Variants in CSMD1 observed in about 807,000 individuals in gnomAD.
The protein encoded by CSMD1 is CUB and Sushi multiple domains 1.
Under a neutral mutation model 417.5 loss-of-function variants are expected in CSMD1, and 213 were observed. The observed-to-expected ratio is 0.51, with a 90% CI of 0.46 to 0.57. CSMD1 has a LOEUF of 0.57. Among genes scored for constraint, CSMD1 ranks in the 20% least tolerant of loss-of-function variants. The probability of loss-of-function intolerance (pLI) is 0.00; values close to 1 mark genes in which losing one functional copy is unlikely to be tolerated. For missense variants in CSMD1, 6,923 were observed against 4,529.7 expected (o/e 1.53, Z -15.17); for synonymous variants, 2,862 against 1,736.8 (o/e 1.65, Z -16.11).
At chr8:3,535,025 G>T (rs190440539) in intron 10 of CSMD1, among the ~76,000 whole-genome samples, 5 of 152,270 alleles carry the variant, frequency 3.3e-5, no homozygotes, top group East Asian at 1.9e-4. Context: ...AGAACTCACC[G>T]TAGCATTCAA....
At chr8:4,024,962 T>G (rs1306749433) in intron 4 of CSMD1, among the ~76,000 whole-genome samples, 1 of 152,202 alleles carries the variant, frequency 6.6e-6, no homozygotes, top group African/African-American at 2.4e-5. Flanking sequence ...TTGTCTGAAG[T>G]ACGATTGGCC....
chr8:4,804,910 G>A (rs1043076787), intron 1 of CSMD1, among the ~76,000 whole-genome samples: 1 of 152,062 alleles, frequency 6.6e-6, no homozygotes, highest in Non-Finnish European at 1.5e-5. Flanking sequence ...TAATAAAAGA[G>A]AAAAGAAAAC....
At chr8:3,105,443 AATG>A (rs1344084931) in intron 46 of CSMD1, among the ~76,000 whole-genome samples, 23 of 152,222 alleles carry the variant, frequency 1.5e-4, no homozygotes, top group African/African-American at 5.5e-4. Context: ...TAGGTGAACT[AATG>A]ATGTTTCGAC....
At chr8:4,766,657 C>G (rs932859566) in intron 1 of CSMD1, among the ~76,000 whole-genome samples, 2 of 152,202 alleles carry the variant, frequency 1.3e-5, no homozygotes, top group Non-Finnish European at 2.9e-5. Flanking sequence ...CTCAGGCACT[C>G]CCATGGAGCC....
chr8:3,961,492 G>A (rs889999862), intron 5 of CSMD1, among the ~76,000 whole-genome samples: 19 of 152,052 alleles, frequency 1.2e-4, no homozygotes, highest in African/African-American at 4.3e-4. Flanking sequence ...AGCCCCATAT[G>A]CGTTCATTAT....
At chr8:3,072,239 A>C (rs1020978304) in intron 49 of CSMD1, among the ~76,000 whole-genome samples, 4 of 152,198 alleles carry the variant, frequency 2.6e-5, no homozygotes, top group African/African-American at 9.6e-5. Flanking sequence ...TTTTACATGG[A>C]AGAGTCCAAT....
chr8:4,266,650 C>T lies in CSMD1; in HGVS notation c.415+153303G>A, dbSNP rs189407736. On this transcript the variant is annotated intron_variant, in intron 3 of 69. Transcript: ENST00000635120. Reference sequence around the variant, plus strand: ...GCAGTTGAACATTTTTATTTGTCATCTATGAACATTGATATAACTTGAAAA... The same window carrying T: ...GCAGTTGAACATTTTTATTTGTCATTTATGAACATTGATATAACTTGAAAA... 5.0e-3 allele frequency among the ~76,000 whole-genome samples: 521 copies of T among 104,886 alleles called. 73 individuals carry two copies. Among genetic ancestry groups the T allele is most frequent in the African/African-American group, 0.013 (500 of 38,510 alleles). 68.8% of individuals were successfully genotyped at this position (104,886 alleles called of 152,430 possible). A position where few individuals can be genotyped will look rare whatever the true frequency, so the allele number is the denominator to read the frequency against.
chr8:3,089,321 G>A (rs544674088), intron 48 of CSMD1, among the ~76,000 whole-genome samples: 3 of 152,316 alleles, frequency 2.0e-5, no homozygotes, highest in Non-Finnish European at 2.9e-5. Context: ...CTTTCAACCC[G>A]CCCAATACAG....
chr8:3,773,283 A>T (rs1798715981), intron 5 of CSMD1, among the ~76,000 whole-genome samples: 1 of 152,092 alleles, frequency 6.6e-6, no homozygotes, highest in Non-Finnish European at 1.5e-5. Flanking sequence ...GGGATATAAT[A>T]GGTTTGGGGA....
At chr8:4,642,093 C>A (rs1409554312) in intron 1 of CSMD1, among the ~76,000 whole-genome samples, 1 of 152,176 alleles carries the variant, frequency 6.6e-6, no homozygotes, top group Non-Finnish European at 1.5e-5. Context: ...CCTGGTCAGC[C>A]TGTAGGTGCT....
chr8:3,091,782 C>G, intron 47 of CSMD1, 120 bp from the exon 48 acceptor site: 1 of 752,592 alleles, frequency 1.3e-6, no homozygotes, highest in East Asian at 3.2e-5. Flanking sequence ...ATAATTATTA[C>G]AAAAGTGGAC....
At chr8:4,244,523 A>C (rs1384512347) in intron 3 of CSMD1, among the ~76,000 whole-genome samples, 1 of 151,640 alleles carries the variant, frequency 6.6e-6, no homozygotes, top group Admixed American at 6.6e-5. Flanking sequence ...AGCAAGTCAA[A>C]TAAAATTTTC....
rs922555074 is a variant in CSMD1, at chr8:3,272,330, G to A, written c.4153+11814C>T. Among the ~76,000 whole-genome samples, 2 of 147,330 alleles carry A rather than the reference G, an allele frequency of 1.4e-5. 1 individual carries two copies. Among genetic ancestry groups the A allele is most frequent in the Non-Finnish European group, 3.0e-5 (2 of 66,182 alleles). On this transcript the variant is annotated intron_variant, in intron 26 of 69. Transcript: ENST00000635120. Reference sequence around the variant, plus strand: ...CCAGTACCATGCTGTTTTGGTTACGGTAGCCTTGTAGCATAGTTTGAAGTC... The same window carrying A: ...CCAGTACCATGCTGTTTTGGTTACGATAGCCTTGTAGCATAGTTTGAAGTC...
chr8:3,179,816 A>G (rs904856759), intron 37 of CSMD1, among the ~76,000 whole-genome samples: 1 of 152,236 alleles, frequency 6.6e-6, no homozygotes, highest in African/African-American at 2.4e-5. Context: ...CATAAGTAAC[A>G]TCCACAGTAT....
intron 3 of CSMD1, among the ~76,000 whole-genome samples, chr8:4,371,469 G>T (rs995066668): frequency 1.3e-5 from 2 of 152,148 alleles, no homozygotes; most frequent in Admixed American, 1.3e-4. Context: ...TCTGGGGATA[G>T]AAAATATAAT....
intron 10 of CSMD1, among the ~76,000 whole-genome samples, chr8:3,557,070 G>C (rs572214017): frequency 2.0e-5 from 3 of 152,326 alleles, no homozygotes; most frequent in Admixed American, 2.0e-4. Flanking sequence ...AGAATGGCAA[G>C]TGCAATGGAA....
chr8:4,710,090 C>T (rs1378435702), intron 1 of CSMD1, among the ~76,000 whole-genome samples: 3 of 152,008 alleles, frequency 2.0e-5, no homozygotes, highest in African/African-American at 7.2e-5. Flanking sequence ...CACAAAATAT[C>T]GCCCAAGGAA....
chr8:4,044,658 C>A (rs1052963273), intron 3 of CSMD1, among the ~76,000 whole-genome samples: 2 of 152,158 alleles, frequency 1.3e-5, no homozygotes, highest in Non-Finnish European at 2.9e-5. Context: ...GTGTACCACC[C>A]TGGGCGTGTA....
chr8:4,736,417 G>C (rs568371096), intron 1 of CSMD1, among the ~76,000 whole-genome samples: 1 of 152,036 alleles, frequency 6.6e-6, no homozygotes, highest in Non-Finnish European at 1.5e-5. Context: ...TTAGAAATTG[G>C]TGAATGAATT....
Sources: allele counts gnomAD v4.1 joint callset (sites outside exome capture counted in the v4.1 genomes callset), GRCh38; gene constraint gnomAD v4.1.1; transcripts MANE v1.5; gene names NCBI Gene and HGNC (gene_info 2026-07-23, HGNC 2026-07-21).